The following NAV2 variants were observed in gnomAD, a reference collection of about 807,000 sequenced individuals.
The protein encoded by NAV2 is helicase, APC down-regulated 1.
A neutral mutation model predicts 223.2 loss-of-function variants in NAV2; 54 were observed. That is an observed-to-expected ratio of 0.24 (90% CI 0.19 to 0.30). NAV2 has a LOEUF of 0.30. Ranked by LOEUF, NAV2 falls within the 10% of genes least tolerant of loss-of-function variation. The pLI is 1.00. For synonymous variants in NAV2, 1,279 were observed against 1,239.3 expected (o/e 1.03, Z -0.67); for missense variants, 2,806 against 3,147.5 (o/e 0.89, Z 2.60).
At chr11:19,853,975 C>T (rs910674777) in intron 3 of NAV2, among the ~76,000 whole-genome samples, 2 of 152,146 alleles carry the variant, frequency 1.3e-5, no homozygotes, top group Admixed American at 6.5e-5. Flanking sequence ...TGAGTGGCAA[C>T]ATGTTGTACT....
intron 1 of NAV2, among the ~76,000 whole-genome samples, chr11:19,728,829 G>A (rs748085860): frequency 6.6e-5 from 10 of 152,214 alleles, no homozygotes; most frequent in African/African-American, 1.2e-4. Flanking sequence ...AAATGAGATG[G>A]CAGTGCTCTA....
At chr11:19,826,117 G>A (rs1180055521) in intron 1 of NAV2, among the ~76,000 whole-genome samples, 4 of 152,178 alleles carry the variant, frequency 2.6e-5, no homozygotes, top group Admixed American at 2.0e-4. Context: ...AGACTTTCTC[G>A]TGAAATGACT....
At chr11:19,802,840 G>C (rs2058348419) in intron 1 of NAV2, among the ~76,000 whole-genome samples, 1 of 152,138 alleles carries the variant, frequency 6.6e-6, no homozygotes, top group Non-Finnish European at 1.5e-5. Flanking sequence ...AGCCTTCTAG[G>C]AAAGCCTCAG....
In NAV2 at chr11:19,798,557, G is replaced by A. The variant is rs117758758; in HGVS notation, c.268-33927G>A. Among the ~76,000 whole-genome samples, 1,258 of 152,272 alleles carry A rather than the reference G, an allele frequency of 8.3e-3. 5 individuals carry two copies. Among genetic ancestry groups the A allele is most frequent in the Middle Eastern group, 0.048 (14 of 294 alleles). On this transcript the variant is annotated intron_variant, in intron 1 of 37. Transcript: ENST00000349880. Reference sequence around the variant, plus strand: ...TGTTGTTGGAAGGGAGGCTGGCCACGGGGAGCCCTCATGCTTGTTTCTGAC... The same window carrying A: ...TGTTGTTGGAAGGGAGGCTGGCCACAGGGAGCCCTCATGCTTGTTTCTGAC...
At chr11:19,544,795 C>T (rs1226325574) in intron 1 of NAV2, among the ~76,000 whole-genome samples, 1 of 152,226 alleles carries the variant, frequency 6.6e-6, no homozygotes, top group African/African-American at 2.4e-5. Flanking sequence ...GGTGAGCCTG[C>T]CCCTGCCACT....
chr11:20,047,335 C>G (rs1014160664), intron 14 of NAV2, among the ~76,000 whole-genome samples: 1 of 152,102 alleles, frequency 6.6e-6, no homozygotes, highest in Non-Finnish European at 1.5e-5. Flanking sequence ...CTTCCTAAAT[C>G]GTTAAGGTAT....
At chr11:19,649,981 G>A (rs970147717) in intron 1 of NAV2, among the ~76,000 whole-genome samples, 2 of 152,126 alleles carry the variant, frequency 1.3e-5, no homozygotes, top group Non-Finnish European at 2.9e-5. Context: ...TTTTTCTGTC[G>A]CTGGCAGGAA....
At chr11:19,878,104 T>C (rs1421441664) in intron 4 of NAV2, among the ~76,000 whole-genome samples, 1 of 152,096 alleles carries the variant, frequency 6.6e-6, no homozygotes, top group Non-Finnish European at 1.5e-5. Flanking sequence ...CACAGAGTGG[T>C]TTATAAGCAG....
At chr11:20,095,887 C>T in intron 30 of NAV2, 120 bp downstream of exon 30, 1 of 744,644 alleles carries the variant, frequency 1.3e-6, no homozygotes. Context: ...CCCTTCCCTA[C>T]ATGTTAATGT....
At chr11:19,753,463 G>A (rs944109647) in intron 1 of NAV2, among the ~76,000 whole-genome samples, 2 of 152,184 alleles carry the variant, frequency 1.3e-5, no homozygotes, top group Non-Finnish European at 2.9e-5. Flanking sequence ...GTCATAGACT[G>A]GAGACATAGA....
chr11:19,940,070 C>T (rs2046281725), intron 8 of NAV2, among the ~76,000 whole-genome samples: 1 of 152,024 alleles, frequency 6.6e-6, no homozygotes, highest in South Asian at 2.1e-4. Flanking sequence ...GGGCTCTGGA[C>T]TGCACTGATA....
intron 19 of NAV2, among the ~76,000 whole-genome samples, chr11:20,057,409 G>A (rs571844594): frequency 6.6e-6 from 1 of 152,278 alleles, no homozygotes; most frequent in South Asian, 2.1e-4. Flanking sequence ...GCACAAGTCT[G>A]TAAATCCATA....
At chr11:19,478,801 C>G (rs905468329) in intron 1 of NAV2, among the ~76,000 whole-genome samples, 1 of 152,234 alleles carries the variant, frequency 6.6e-6, no homozygotes, top group African/African-American at 2.4e-5. Context: ...TGTCCCAAGG[C>G]AAGTCCCCTT....
intron 1 of NAV2, among the ~76,000 whole-genome samples, chr11:19,669,320 G>A (rs1038405295): frequency 6.6e-6 from 1 of 152,186 alleles, no homozygotes; most frequent in African/African-American, 2.4e-5. Context: ...CCATTCCAAA[G>A]CCTCAGATGG....
intron 12 of NAV2, among the ~76,000 whole-genome samples, chr11:20,038,924 G>A (rs549716096): frequency 3.3e-5 from 5 of 152,320 alleles, no homozygotes; most frequent in East Asian, 1.9e-4. Flanking sequence ...AAGAGGAGAC[G>A]GATCATTGGG....
At chr11:19,434,888 A>T (rs1851161176) in intron 1 of NAV2, among the ~76,000 whole-genome samples, 1 of 142,582 alleles carries the variant, frequency 7.0e-6, no homozygotes, top group African/African-American at 2.6e-5. Context: ...CAGCAAAGAT[A>T]AAAACAGCCT....
At chr11:19,526,244 T>G (rs1219875380) in intron 1 of NAV2, among the ~76,000 whole-genome samples, 1 of 152,202 alleles carries the variant, frequency 6.6e-6, no homozygotes. Context: ...GACTTCATTT[T>G]TGTCTCTCAG....
intron 1 of NAV2, among the ~76,000 whole-genome samples, chr11:19,485,787 G>A (rs139174555): frequency 5.5e-4 from 83 of 152,170 alleles, no homozygotes; most frequent in African/African-American, 1.9e-3. Flanking sequence ...ACCAGGGGAT[G>A]GATCCGAGTT....
intron 1 of NAV2, among the ~76,000 whole-genome samples, chr11:19,562,860 T>C (rs946407364): frequency 1.3e-5 from 2 of 152,304 alleles, no homozygotes; most frequent in Non-Finnish European, 2.9e-5. Context: ...TCATATGTAT[T>C]AATGGTGTGG....
Sources: gnomAD v4.1 joint callset for allele counts (sites outside exome capture counted in the v4.1 genomes callset) on GRCh38, gnomAD v4.1.1 for gene constraint, MANE v1.5 for transcripts, NCBI Gene and HGNC (gene_info 2026-07-23, HGNC 2026-07-21) for gene names.